The following LENG9 variants were observed in gnomAD, a reference collection of about 807,000 sequenced individuals.
The protein encoded by LENG9 is leukocyte receptor cluster member 9, also known as leukocyte receptor cluster (LRC) member 9.
For synonymous variants in LENG9, 410 were observed against 303.9 expected (o/e 1.35, Z -3.63); for missense variants, 872 against 652.7 (o/e 1.34, Z -3.66).
Position 54,462,837 on chromosome 19 carries a change from T to C in LENG9, c.690A>G (p.Pro230=), listed in dbSNP as rs147947536. Reference sequence around the variant, plus strand: ...CAGTCACTCCGGCGAGGCGTCCTCTTGGGGCCAGTGTTCCCAAATCAGCAG... The same window carrying C: ...CAGTCACTCCGGCGAGGCGTCCTCTCGGGGCCAGTGTTCCCAAATCAGCAG... ...GTAADLGTLA[P]RGRLAGVTEA... The change falls in exon 1 of 1, where the codon CCA becomes CCG. Residue 230 remains proline (P), a synonymous_variant. Coordinates refer to ENST00000611161, the MANE Select transcript of LENG9 (RefSeq NM_001301782.2). The C allele has an allele frequency of 2.1e-5, 34 of 1,612,536 alleles. No individual in the cohort carries two copies. The highest frequency in any genetic ancestry group is 2.4e-5 in the Non-Finnish European group (28 of 1,179,872).
Position 54,463,003 on chromosome 19 carries a change from C to T in LENG9, c.524G>A (p.Trp175Ter). The part of the protein sequence containing the change: ...EGAHGAEGAE[W>*]TLAGTGQEAQ... ...CTCCTGACCTGTCCCCGCCAGTGTC[C>T]ACTCGGCACCCTCTGCCCCGTGGGC... Residue 175 changes from tryptophan (W) to a stop codon, truncating the protein, a stop_gained, in exon 1 of 1, where the codon TGG (tryptophan) becomes TAG (stop). Coordinates refer to ENST00000611161, the MANE Select transcript of LENG9 (RefSeq NM_001301782.2). LOFTEE classifies it low-confidence loss of function (END_TRUNC). 6.2e-7 allele frequency: 1 copy of T among 1,605,830 alleles called. No homozygotes were observed. Among genetic ancestry groups the T allele is most frequent in the South Asian group, 1.1e-5 (1 of 91,046 alleles).
rs778117077 is a variant in LENG9 at position 54,462,678 on chromosome 19, T to G, written c.849A>C (p.Lys283Asn). 1.2e-6 allele frequency: 2 copies of G among 1,611,698 alleles called. No individual in the cohort carries two copies. The highest frequency in any genetic ancestry group is 3.3e-5 in the Admixed American group (2 of 60,000). Reference protein sequence around the residue: ...EWGPAAWPEDKRARLSVAAPC... With the variant: ...EWGPAAWPEDNRARLSVAAPC... ...GGGCTGCAACACTAAGGCGGGCCCT[T>G]TTGTCCTCGGGCCAGGCCGCAGGAC... The change falls in exon 1 of 1, where the codon AAA becomes AAC. Residue 283 changes from lysine to asparagine, a missense_variant. Lys to Asn is a moderately conservative substitution (Grantham distance 94). Transcript: ENST00000611161.
Position 54,463,129 on chromosome 19 carries a change from C to A in LENG9, c.398G>T (p.Arg133Leu). 6.3e-7 allele frequency: 1 copy of A among 1,598,782 alleles called. No individual in the cohort carries two copies. The highest frequency in any genetic ancestry group is 8.5e-7 in the Non-Finnish European group (1 of 1,177,850). ...GCGCGAGGCGCGGTCCCACACAAGG[C>A]GGCCACGGAAGCGGAAGAAGCGCAC... is the stretch of plus-strand genomic sequence containing the variant. ...HRVRFFRFRG[R>L]LVWDRASRTD... Residue 133 changes from arginine to leucine, a missense_variant, in exon 1 of 1, where the codon CGC becomes CTC. Coordinates refer to ENST00000611161, the MANE Select transcript of LENG9 (RefSeq NM_001301782.2).
Position 54,463,605 on chromosome 19 carries a change from C to T in LENG9, c.-79G>A. ...GGCGGCTCCCCTTGGATGCACCGAG[C>T]CTCACCCGACAGTGGCGTCAGCGGC... is the stretch of plus-strand genomic sequence containing the variant. On this transcript the variant is annotated 5_prime_UTR_variant, in exon 1 of 1. Transcript: ENST00000611161. 2 of 1,288,564 alleles carry T rather than the reference C, an allele frequency of 1.6e-6. No homozygotes were observed. The highest frequency in any genetic ancestry group is 2.0e-6 in the Non-Finnish European group (2 of 1,014,508). 79.8% of individuals were successfully genotyped at this position (1,288,564 alleles called of 1,614,324 possible).
chr19:54,461,910 C>A lies in LENG9; in HGVS notation c.*180G>T. On this transcript the variant is annotated 3_prime_UTR_variant, in exon 1 of 1. Coordinates refer to ENST00000611161, the MANE Select transcript of LENG9 (RefSeq NM_001301782.2). ...TTCCAGATGTTCCTCCTCTGCCTCCCCTTCCCCTCCTCTCCCCTCCTTTTC... is the reference window on the plus strand; with the variant it reads ...TTCCAGATGTTCCTCCTCTGCCTCCACTTCCCCTCCTCTCCCCTCCTTTTC... The A allele has an allele frequency of 1.2e-6, 1 of 865,576 alleles. No homozygotes were observed. The highest frequency in any genetic ancestry group is 1.8e-5 in the Admixed American group (1 of 57,014). 53.6% of individuals were successfully genotyped at this position (865,576 alleles called of 1,614,324 possible). A position where few individuals can be genotyped will look rare whatever the true frequency, so the allele number is the denominator to read the frequency against.
Position 54,462,724 on chromosome 19 carries a change from T to C in LENG9, c.803A>G (p.Glu268Gly). The change falls in exon 1 of 1, where the codon GAG becomes GGG. Residue 268 changes from glutamate (E) to glycine (G), a missense_variant. Coordinates refer to ENST00000611161, the MANE Select transcript of LENG9 (RefSeq NM_001301782.2). The stretch of plus-strand genomic sequence containing the variant: ...AGGACCCCACTCGGCTTCTGTCGTC[T>C]CAGCGGAGCCCCCCGGGACTCCCAG... ...QALGVPGGSA[E>G]TTEAEWGPAA... 6.2e-7 allele frequency: 1 copy of C among 1,610,768 alleles called. No individual in the cohort carries two copies.
rs1205584620 is a variant in LENG9 at position 54,462,912 on chromosome 19, C to T, written c.615G>A (p.Val205=). 3 of 1,612,622 alleles carry T rather than the reference C, an allele frequency of 1.9e-6. No homozygotes were observed. Among genetic ancestry groups the T allele is most frequent in the East Asian group, 2.2e-5 (1 of 44,860 alleles). The change falls in exon 1 of 1, where the codon GTG becomes GTA. Residue 205 remains valine, a synonymous_variant. Coordinates refer to ENST00000611161, the MANE Select transcript of LENG9 (RefSeq NM_001301782.2). ...PLCTGHQEPG[V]EEPGELEAAQ... ...CCGCCTCCAGCTCTCCGGGTTCCTC[C>T]ACGCCTGGTTCCTGGTGCCCTGTGC...
chr19:54,462,146 G>T lies in LENG9; in HGVS notation c.1381C>A (p.Arg461Ser), dbSNP rs759547042. 3.1e-6 allele frequency: 5 copies of T among 1,604,312 alleles called. No individual in the cohort carries two copies. Among genetic ancestry groups the T allele is most frequent in the Non-Finnish European group, 4.3e-6 (5 of 1,174,442 alleles). Reference sequence around the variant, plus strand: ...AAAGGCCCCCCTGTCCTCCCTATACGGCACAGCCAGAGTGTCTGCAGGGGC... The same window carrying T: ...AAAGGCCCCCCTGTCCTCCCTATACTGCACAGCCAGAGTGTCTGCAGGGGC... ...CQPLQTLWLCRIGRTGGPFQP... is the reference protein window; with the variant it reads ...CQPLQTLWLCSIGRTGGPFQP... Residue 461 changes from arginine to serine, a missense_variant, in exon 1 of 1, where the codon CGT (arginine) becomes AGT (serine). Coordinates refer to ENST00000611161, the MANE Select transcript of LENG9 (RefSeq NM_001301782.2).
Position 54,462,279 on chromosome 19 carries a change from CT to C in LENG9, c.1247del (p.Gln416ArgfsTer47), listed in dbSNP as rs754905548. ...GGTGGGGGTGCAGCTGCCCTGGAGA[CT>C]GTAGTGTACTCAGCCCCTCGGCTTC... Reference protein sequence around the residue: ...RLEAEGLSTLQSPGQLHPHLT... With the variant: ...RLEAEGLSTLXSPGQLHPHLT... On this transcript the variant is annotated frameshift_variant, in exon 1 of 1. Coordinates refer to ENST00000611161, the MANE Select transcript of LENG9 (RefSeq NM_001301782.2). LOFTEE classifies it low-confidence loss of function (END_TRUNC). The C allele has an allele frequency of 2.4e-5, 38 of 1,604,812 alleles. No homozygotes were observed. In the South Asian group the frequency reaches 4.1e-4, roughly 17 times the overall value.
Position 54,463,634 on chromosome 19 carries a change from C to T in LENG9, c.-108G>A. The T allele has an allele frequency of 8.0e-7, 1 of 1,254,676 alleles. No homozygotes were observed. 77.7% of individuals were successfully genotyped at this position (1,254,676 alleles called of 1,614,324 possible). Reference sequence around the variant, plus strand: ...ACCCGACAGTGGCGTCAGCGGCCCGCGCTCCGGCCTAGCTCTGGGGACCAC... The same window carrying T: ...ACCCGACAGTGGCGTCAGCGGCCCGTGCTCCGGCCTAGCTCTGGGGACCAC... On this transcript the variant is annotated 5_prime_UTR_variant, in exon 1 of 1. Transcript: ENST00000611161.
At position 54,462,557 on chromosome 19, in the gene LENG9, C is replaced by G. The variant is rs1419207456; in HGVS notation, c.970G>C (p.Val324Leu). 4.3e-6 allele frequency: 7 copies of G among 1,613,716 alleles called. No homozygotes were observed. Among genetic ancestry groups the G allele is most frequent in the South Asian group, 1.1e-5 (1 of 91,088 alleles). ...VTKAQEYLVHVAPHCANFLVP... is the reference protein window; with the variant it reads ...VTKAQEYLVHLAPHCANFLVP... ...AGGAAGTTGGCGCAGTGTGGGGCCA[C>G]GTGGACCAGGTATTCCTGGGCCTTG... Residue 324 changes from valine to leucine, a missense_variant, in exon 1 of 1, where the codon GTG becomes CTG. By Grantham distance (32) the Val-to-Leu change is conservative. Transcript: ENST00000611161.
In LENG9 at chr19:54,462,930, C is replaced by T; in HGVS notation, c.597G>A (p.Gly199=). ...KRGSTRPLCT[G]HQEPGVEEPG... ...GTTCCTCCACGCCTGGTTCCTGGTGCCCTGTGCAGAGCGGCCTTGTGCTCC... is the reference window on the plus strand; with the variant it reads ...GTTCCTCCACGCCTGGTTCCTGGTGTCCTGTGCAGAGCGGCCTTGTGCTCC... Residue 199 remains glycine, a synonymous_variant, in exon 1 of 1, where the codon GGG becomes GGA. Coordinates refer to ENST00000611161, the MANE Select transcript of LENG9 (RefSeq NM_001301782.2). The T allele has an allele frequency of 6.2e-7, 1 of 1,612,218 alleles. No homozygotes were observed.
In LENG9 at chr19:54,462,132, T is replaced by G. The variant is rs747601315; in HGVS notation, c.1395A>C (p.Thr465=). The change falls in exon 1 of 1, where the codon ACA becomes ACC. Residue 465 remains threonine, a synonymous_variant. Transcript: ENST00000611161. ...QTLWLCRIGR[T]GGPFQPLAEI... is the part of the protein sequence containing the mutation. ...CAGCCAGGGGCTGGAAAGGCCCCCC[T>G]GTCCTCCCTATACGGCACAGCCAGA... 2 of 1,587,416 alleles carry G rather than the reference T, an allele frequency of 1.3e-6. No individual in the cohort carries two copies. Among genetic ancestry groups the G allele is most frequent in the Admixed American group, 3.5e-5 (2 of 56,400 alleles).
rs373957553 is a variant in LENG9 at position 54,462,689 on chromosome 19, G to T, written c.838C>A (p.Pro280Thr). The change falls in exon 1 of 1, where the codon CCC becomes ACC. Residue 280 changes from proline (P) to threonine (T), a missense_variant. Pro to Thr is a conservative substitution (Grantham distance 38). Transcript: ENST00000611161. ...CTAAGGCGGGCCCTTTTGTCCTCGG[G>T]CCAGGCCGCAGGACCCCACTCGGCT... is the stretch of plus-strand genomic sequence containing the variant. ...TEAEWGPAAWPEDKRARLSVA... is the reference protein window; with the variant it reads ...TEAEWGPAAWTEDKRARLSVA... 6.2e-7 allele frequency: 1 copy of T among 1,611,230 alleles called. No individual in the cohort carries two copies. Among genetic ancestry groups the T allele is most frequent in the Non-Finnish European group, 8.5e-7 (1 of 1,179,992 alleles).
Position 54,463,461 on chromosome 19 carries a change from C to CGGCGGGGGCGCGGGTTCCGT in LENG9, c.46_65dup (p.Ala23ArgfsTer222). The CGGCGGGGGCGCGGGTTCCGT allele has an allele frequency of 7.8e-7, 1 of 1,284,650 alleles. No individual in the cohort carries two copies. Among genetic ancestry groups the CGGCGGGGGCGCGGGTTCCGT allele is most frequent in the Non-Finnish European group, 9.8e-7 (1 of 1,015,772 alleles). The allele number at this position is 1,284,650 out of a possible 1,614,324, so 79.6% of individuals were successfully genotyped here. A position where few individuals can be genotyped will look rare whatever the true frequency, so the allele number is the denominator to read the frequency against. ...GGCCTTCCAGGAAGAAGCGGCAGGC[C>CGGCGGGGGCGCGGGTTCCGT]GGCGGGGGCGCGGGTTCCGTGGCGG... is the stretch of plus-strand genomic sequence containing the variant. On this transcript the variant is annotated frameshift_variant, in exon 1 of 1. Coordinates refer to ENST00000611161, the MANE Select transcript of LENG9 (RefSeq NM_001301782.2). LOFTEE classifies it low-confidence loss of function (END_TRUNC).
Position 54,463,055 on chromosome 19 carries a change from T to C in LENG9, c.472A>G (p.Ile158Val), listed in dbSNP as rs575682906. Residue 158 changes from isoleucine (I) to valine (V), a missense_variant, in exon 1 of 1, where the codon ATC (isoleucine) becomes GTC (valine). Physicochemically the swap from Ile to Val is conservative, Grantham distance 29. Transcript: ENST00000611161. ...SGSAAGRGPTILDAPNTEGAH... is the reference protein window; with the variant it reads ...SGSAAGRGPTVLDAPNTEGAH... ...CCCTCGGTGTTCGGTGCGTCCAGGATGGTGGGCCCGCGTCCCGCCGCCGAG... is the reference window on the plus strand; with the variant it reads ...CCCTCGGTGTTCGGTGCGTCCAGGACGGTGGGCCCGCGTCCCGCCGCCGAG... 12 of 1,601,852 alleles carry C rather than the reference T, an allele frequency of 7.5e-6. No homozygotes were observed. In the Admixed American group the frequency reaches 1.3e-4, roughly 18 times the overall value.
At position 54,463,022 on chromosome 19, in the gene LENG9, C is replaced by T. The variant is rs1876282353; in HGVS notation, c.505G>A (p.Gly169Arg). ...LDAPNTEGAH[G>R]AEGAEWTLAG... ...AGTGTCCACTCGGCACCCTCTGCCCCGTGGGCGCCCTCGGTGTTCGGTGCG... is the reference window on the plus strand; with the variant it reads ...AGTGTCCACTCGGCACCCTCTGCCCTGTGGGCGCCCTCGGTGTTCGGTGCG... The change falls in exon 1 of 1, where the codon GGG (glycine) becomes AGG (arginine). Residue 169 changes from glycine (G) to arginine (R), a missense_variant. By Grantham distance (125) the Gly-to-Arg change is moderately radical (BLOSUM62 -2). Transcript: ENST00000611161. 7 of 1,604,004 alleles carry T rather than the reference C, an allele frequency of 4.4e-6. No individual in the cohort carries two copies. The highest frequency in any genetic ancestry group is 3.3e-5 in the South Asian group (3 of 91,028).
chr19:54,461,742 TTTTC>T lies in LENG9; in HGVS notation c.*344_*347del, dbSNP rs1467115315. 10 of 521,774 alleles carry T rather than the reference TTTTC, an allele frequency of 1.9e-5. No individual in the cohort carries two copies. The highest frequency in any genetic ancestry group is 4.6e-5 in the Admixed American group (2 of 43,880). The allele number at this position is 521,774 out of a possible 1,614,324, so 32.3% of individuals were successfully genotyped here. A position where few individuals can be genotyped will look rare whatever the true frequency, so the allele number is the denominator to read the frequency against. On this transcript the variant is annotated 3_prime_UTR_variant, in exon 1 of 1. Transcript: ENST00000611161. The stretch of plus-strand genomic sequence containing the variant: ...CCAGCTCACGTCATGTTGCCTTCTC[TTTTC>T]TTTGTGTGTGTGTTTATTTAAGTTA...
rs748378494 is a variant in LENG9 at position 54,461,809 on chromosome 19, C to G, written c.*281G>C. The G allele has an allele frequency of 6.8e-6, 4 of 590,462 alleles. No homozygotes were observed. The highest frequency in any genetic ancestry group is 6.1e-5 in the South Asian group (4 of 65,598). 36.6% of individuals were successfully genotyped at this position (590,462 alleles called of 1,614,324 possible). ...CTCTCCCTTTTCTTTTTGGCCCTCC[C>G]TCCCTCCCTCTTCTGCCATGTAACT... On this transcript the variant is annotated 3_prime_UTR_variant, in exon 1 of 1. Transcript: ENST00000611161.
Sources: gnomAD v4.1 joint callset for allele counts on GRCh38, gnomAD v4.1.1 for gene constraint, MANE v1.5 for transcripts, NCBI Gene and HGNC (gene_info 2026-07-23, HGNC 2026-07-21) for gene names.